OPCML: variants seen among roughly 807,000 people sequenced by gnomAD.
OPCML encodes opioid binding protein/cell adhesion molecule like, also known as opioid-binding protein/cell adhesion molecule.
Under a neutral mutation model 37.8 loss-of-function variants are expected in OPCML, and 13 were observed. The ratio of observed to expected loss-of-function variants is 0.34; its 90% CI spans 0.22 to 0.55. The LOEUF is 0.55. Ranked by LOEUF, OPCML falls within the 20% of genes least tolerant of loss-of-function variation. OPCML has a pLI of 0.91. For synonymous variants in OPCML, 176 were observed against 168.8 expected (o/e 1.04, Z -0.33); for missense variants, 341 against 435.6 (o/e 0.78, Z 1.93).
chr11:132,534,411 A>G (rs139206377), intron 3 of OPCML, among the ~76,000 whole-genome samples: 35 of 152,310 alleles, frequency 2.3e-4, no homozygotes, highest in African/African-American at 8.2e-4. Context: ...ATAATATTTA[A>G]TAGATGCTTA....
intron 1 of OPCML, among the ~76,000 whole-genome samples, chr11:133,400,556 T>C (rs1945380292): frequency 1.3e-5 from 2 of 152,208 alleles, no homozygotes; most frequent in South Asian, 4.1e-4. Flanking sequence ...ATGGTGATAA[T>C]GGTTGTACAA....
At chr11:132,724,789 G>T (rs1944816729) in intron 2 of OPCML, among the ~76,000 whole-genome samples, 2 of 152,168 alleles carry the variant, frequency 1.3e-5, no homozygotes, top group Non-Finnish European at 2.9e-5. Flanking sequence ...GGAAGAAATT[G>T]GCCAAAACAA....
chr11:132,848,491 A>G (rs1941654187), intron 2 of OPCML, among the ~76,000 whole-genome samples: 1 of 152,180 alleles, frequency 6.6e-6, no homozygotes, highest in Non-Finnish European at 1.5e-5. Flanking sequence ...CATTTCTCTC[A>G]AGTCTTGAGA....
At chr11:133,054,303 A>G (rs117719386) in intron 1 of OPCML, among the ~76,000 whole-genome samples, 1 of 152,270 alleles carries the variant, frequency 6.6e-6, no homozygotes, top group East Asian at 1.9e-4. Flanking sequence ...CAAACTTCTT[A>G]AAAAGTCAGA....
At chr11:133,489,871 C>T (rs904290026) in intron 1 of OPCML, among the ~76,000 whole-genome samples, 2 of 150,858 alleles carry the variant, frequency 1.3e-5, no homozygotes, top group Admixed American at 6.6e-5. Flanking sequence ...TACATGCACA[C>T]ACATATACAT....
At chr11:132,452,433 G>C (rs2096070622) in intron 4 of OPCML, among the ~76,000 whole-genome samples, 1 of 152,088 alleles carries the variant, frequency 6.6e-6, no homozygotes, top group Admixed American at 6.5e-5. Flanking sequence ...CTCACACTGG[G>C]TGACGATGAA....
rs552763579 is a variant in OPCML, at chr11:132,501,662, G to A, written c.505+27399C>T. Among the ~76,000 whole-genome samples the A allele has an allele frequency of 5.9e-5, 9 of 152,260 alleles. 1 individual carries two copies. Among genetic ancestry groups the A allele is most frequent in the Middle Eastern group, 3.4e-3 (1 of 294 alleles). ...TCATATGGTTGCACTAACTCCTAAC[G>A]TGGGCTATGCTTCTCACCTTCTACC... On this transcript the variant is annotated intron_variant, in intron 4 of 7. Transcript: ENST00000524381.
intron 1 of OPCML, among the ~76,000 whole-genome samples, chr11:133,489,396 T>C (rs771849660): frequency 1.9e-4 from 29 of 149,460 alleles, no homozygotes; most frequent in Admixed American, 6.0e-4. Context: ...AAAAAACAAA[T>C]AACCCCATTT....
intron 3 of OPCML, among the ~76,000 whole-genome samples, chr11:132,603,691 A>C (rs1005765880): frequency 6.6e-6 from 1 of 152,302 alleles, no homozygotes; most frequent in South Asian, 2.1e-4. Flanking sequence ...ATAGTGTATA[A>C]ATGGTGCATG....
intron 4 of OPCML, among the ~76,000 whole-genome samples, chr11:132,490,978 TTCAAAA>T (rs1331583282): frequency 0.02 from 3,023 of 152,264 alleles, 96 homozygotes; most frequent in East Asian, 0.062. Context: ...AGGAACTCAG[TTCAAAA>T]GCCTCGGACT....
At chr11:133,099,102 TATG>T (rs551765839) in intron 1 of OPCML, among the ~76,000 whole-genome samples, 35 of 152,194 alleles carry the variant, frequency 2.3e-4, no homozygotes, top group South Asian at 1.0e-3. Context: ...AAGAGATAAA[TATG>T]ATAACATATA....
intron 1 of OPCML, among the ~76,000 whole-genome samples, chr11:133,314,000 C>T (rs574406285): frequency 1.3e-4 from 19 of 151,958 alleles, no homozygotes; most frequent in Non-Finnish European, 2.4e-4. Flanking sequence ...CTTTGGGAGG[C>T]CGAGGCGGGC....
At chr11:133,136,411 G>C (rs1007450230) in intron 1 of OPCML, among the ~76,000 whole-genome samples, 5 of 152,282 alleles carry the variant, frequency 3.3e-5, no homozygotes, top group African/African-American at 1.2e-4. Context: ...GAGTTTGCAA[G>C]CACTGCAGAG....
chr11:132,642,102 C>T (rs1412036617), intron 3 of OPCML, among the ~76,000 whole-genome samples: 1 of 152,176 alleles, frequency 6.6e-6, no homozygotes, highest in African/African-American at 2.4e-5. Context: ...GTAGTGGCCC[C>T]TGAAAGACAC....
chr11:132,493,922 T>A (rs1188500913), intron 4 of OPCML, among the ~76,000 whole-genome samples: 5 of 152,206 alleles, frequency 3.3e-5, no homozygotes, highest in Non-Finnish European at 5.9e-5. Context: ...GATTTCCGGG[T>A]GCAAAACAAT....
intron 4 of OPCML, among the ~76,000 whole-genome samples, chr11:132,487,401 G>A (rs747947580): frequency 1.3e-5 from 2 of 152,162 alleles, no homozygotes; most frequent in Non-Finnish European, 2.9e-5. Context: ...ATACCCATGG[G>A]CCAACCCACT....
chr11:133,229,142 T>C (rs1940166313), intron 1 of OPCML, among the ~76,000 whole-genome samples: 1 of 152,202 alleles, frequency 6.6e-6, no homozygotes, highest in Non-Finnish European at 1.5e-5. Flanking sequence ...GCCTGTTTAA[T>C]TGCTTTTCTT....
chr11:133,116,219 G>A (rs148416239), intron 1 of OPCML, among the ~76,000 whole-genome samples: 131 of 152,170 alleles, frequency 8.6e-4, no homozygotes, highest in Admixed American at 4.5e-3. Context: ...CACCCGCCTC[G>A]GCCTCCCAAA....
chr11:132,855,387 G>C (rs1942014872), intron 2 of OPCML, among the ~76,000 whole-genome samples: 1 of 152,122 alleles, frequency 6.6e-6, no homozygotes, highest in South Asian at 2.1e-4. Context: ...TTCTTGGAGA[G>C]GCTGATTTGA....
Sources: allele counts gnomAD v4.1 joint callset (sites outside exome capture counted in the v4.1 genomes callset), GRCh38; gene constraint gnomAD v4.1.1; transcripts MANE v1.5; gene names NCBI Gene and HGNC (gene_info 2026-07-23, HGNC 2026-07-21).